The following RNF220 variants were observed in gnomAD, a reference collection of about 807,000 sequenced individuals.
RNF220 encodes the protein E3 ubiquitin-protein ligase RNF220.
RNF220 carries 7 observed loss-of-function variants against 67.1 expected under a neutral mutation model. The ratio of observed to expected loss-of-function variants is 0.10; its 90% CI spans 0.06 to 0.20. The LOEUF (loss-of-function observed/expected upper bound fraction) is 0.20, where lower values mean the gene tolerates loss of function less well. RNF220 is among the 10% of genes least tolerant of loss of function. The pLI, the probability that RNF220 is intolerant of heterozygous loss-of-function variation, is 1.00. For synonymous variants in RNF220, 270 were observed against 283.2 expected, an observed-to-expected ratio of 0.95 and a Z score of 0.47; for missense variants, 565 against 740.3, an observed-to-expected ratio of 0.76 and a Z score of 2.75.
In RNF220 at chr1:44,556,609, G is replaced by A. The variant is rs557837918; in HGVS notation, c.626-57556G>A. 6.1e-4 allele frequency among the ~76,000 whole-genome samples: 92 copies of A among 151,258 alleles called. 1 individual carries two copies. The South Asian group carries it at 0.018, about 30-fold the overall frequency. On this transcript the variant is annotated intron_variant, in intron 2 of 14. Coordinates refer to ENST00000361799, the MANE Select transcript of RNF220 (RefSeq NM_018150.4). The stretch of plus-strand genomic sequence containing the variant: ...GAGTCTGGCTCTGTCACCCAGGCTG[G>A]AGTGCAGTGGCATGATCTTGGCTCA...
Position 44,626,406 on chromosome 1 carries a change from G to C in RNF220, c.906+8G>C. 6.2e-7 allele frequency: 1 copy of C among 1,610,230 alleles called. No homozygotes were observed. The highest frequency in any genetic ancestry group is 1.3e-5 in the African/African-American group (1 of 74,946). ...CATTCAGACAGATACCAGGTGAGGA[G>C]GGGTGGTGAGTGGCCATGAGAAGCA... On this transcript the variant is annotated splice_region_variant and intron_variant, in intron 5 of 14. Transcript: ENST00000361799.
rs1553208927 is a variant in RNF220, at chr1:44,405,388, T to TGCTGCTGCTGCC, written c.-252_-251insTGCCGCTGCTGC. On this transcript the variant is annotated 5_prime_UTR_variant, in exon 1 of 15. Transcript: ENST00000361799. ...GGGGCCAGCCGCCTACTGCTGCTGC[T>TGCTGCTGCTGCC]GCTGCTGCCGCTGCCGCCGCCGCCG... is the stretch of plus-strand genomic sequence containing the variant. 1.1e-5 allele frequency: 7 copies of TGCTGCTGCTGCC among 629,168 alleles called. No homozygotes were observed. Among genetic ancestry groups the TGCTGCTGCTGCC allele is most frequent in the South Asian group, 3.4e-5 (2 of 59,508 alleles). 39.0% of individuals were successfully genotyped at this position (629,168 alleles called of 1,614,324 possible). A position where few individuals can be genotyped will look rare whatever the true frequency, so the allele number is the denominator to read the frequency against.
intron 2 of RNF220, among the ~76,000 whole-genome samples, chr1:44,534,450 A>G (rs556473319): frequency 2.0e-5 from 3 of 152,226 alleles, no homozygotes; most frequent in Admixed American, 6.5e-5. Context: ...CATTAGGTAT[A>G]TCTCCTAATG....
intron 2 of RNF220, 150 bp from the exon 3 acceptor site, chr1:44,614,015 T>C (rs1573048102): frequency 1.1e-6 from 1 of 875,808 alleles, no homozygotes; most frequent in African/African-American, 1.7e-5. Flanking sequence ...GGAGGAGGGG[T>C]GCTCGTGGGC....
chr1:44,614,314 G>T lies in RNF220; in HGVS notation c.758+17G>T. 1 of 1,612,500 alleles carries T rather than the reference G, an allele frequency of 6.2e-7. No individual in the cohort carries two copies. Among genetic ancestry groups the T allele is most frequent in the South Asian group, 1.1e-5 (1 of 90,770 alleles). ...GCCCTCGAGGTAAGCCACCTCCCAG[G>T]GAGCCTGCCTGCTGGAGGAGTCCAC... On this transcript the variant is annotated intron_variant, in intron 3 of 14. Coordinates refer to ENST00000361799, the MANE Select transcript of RNF220 (RefSeq NM_018150.4).
intron 1 of RNF220, among the ~76,000 whole-genome samples, chr1:44,411,603 G>A (rs746484940): frequency 6.6e-6 from 1 of 152,158 alleles, no homozygotes; most frequent in Non-Finnish European, 1.5e-5. Flanking sequence ...CATGAGTGGT[G>A]GATGCAGGTG....
intron 3 of RNF220, among the ~76,000 whole-genome samples, chr1:44,618,294 A>G (rs968874494): frequency 2.0e-5 from 3 of 152,194 alleles, no homozygotes; most frequent in East Asian, 1.9e-4. Context: ...GCAGGTGCAC[A>G]CACACACCCA....
intron 2 of RNF220, among the ~76,000 whole-genome samples, chr1:44,543,903 T>A (rs1013169274): frequency 4.6e-5 from 7 of 152,202 alleles, no homozygotes; most frequent in Non-Finnish European, 8.8e-5. Flanking sequence ...GTGGGATTAC[T>A]GGGCAGTGGC....
In RNF220 at chr1:44,621,645, C is replaced by T. The variant is rs768770424; in HGVS notation, c.759-1097C>T. Among the ~76,000 whole-genome samples the T allele has an allele frequency of 1.1e-3, 173 of 152,236 alleles. No individual in the cohort carries two copies. The highest frequency in any genetic ancestry group is 2.0e-3 in the Non-Finnish European group (136 of 68,010). ...CTGCCTGTGCTTTTGCTGGCTTGTC[C>T]GGTACGTTTGTGTCTGGCCCTGTGG... On this transcript the variant is annotated intron_variant, in intron 3 of 14. Coordinates refer to ENST00000361799, the MANE Select transcript of RNF220 (RefSeq NM_018150.4). This position sits in a 1 kb window ranked among gnomAD's most constrained non-coding sequence, Gnocchi z 4.8.
At chr1:44,574,083 G>A (rs1267269798) in intron 2 of RNF220, among the ~76,000 whole-genome samples, 1 of 152,244 alleles carries the variant, frequency 6.6e-6, no homozygotes, top group Non-Finnish European at 1.5e-5. Flanking sequence ...TCCAGCCTGA[G>A]CAACAGAGTG....
intron 2 of RNF220, among the ~76,000 whole-genome samples, chr1:44,507,777 A>G (rs1189994551): frequency 2.6e-5 from 4 of 152,180 alleles, no homozygotes; most frequent in Non-Finnish European, 5.9e-5. Context: ...TCCTGACACC[A>G]GAAACTCTCT....
In RNF220 at chr1:44,424,477, C is replaced by T. The variant is rs143793389; in HGVS notation, c.625+11755C>T. ...TTTTCCTTAAGGTTTAGGAATCACT[C>T]ATCTAGGGTGAAAGTCTCGGGGGAA... On this transcript the variant is annotated intron_variant, in intron 2 of 14. Transcript: ENST00000361799. Among the ~76,000 whole-genome samples, 55 of 152,078 alleles carry T rather than the reference C, an allele frequency of 3.6e-4. 1 individual carries two copies. Among genetic ancestry groups the T allele is most frequent in the Middle Eastern group, 3.4e-3 (1 of 294 alleles).
At chr1:44,644,957 T>G (rs1644594388) in intron 9 of RNF220, 38 bp from the exon 10 acceptor site, 2 of 1,610,042 alleles carry the variant, frequency 1.2e-6, no homozygotes, top group Non-Finnish European at 1.7e-6. Flanking sequence ...CATAGCCTGC[T>G]GCAAACTAGG....
chr1:44,414,416 ATC>A (rs748150483), intron 2 of RNF220, among the ~76,000 whole-genome samples: 41 of 152,238 alleles, frequency 2.7e-4, no homozygotes, highest in Non-Finnish European at 4.6e-4. Flanking sequence ...GGAGATTGAG[ATC>A]TCTTTCTTCT....
chr1:44,575,246 T>C (rs1047025247), intron 2 of RNF220, among the ~76,000 whole-genome samples: 1 of 152,242 alleles, frequency 6.6e-6, no homozygotes, highest in African/African-American at 2.4e-5. Context: ...CTTTTTTAGC[T>C]CCCACATATC....
At chr1:44,486,987 TAAC>T (rs1302118885) in intron 2 of RNF220, among the ~76,000 whole-genome samples, 2 of 152,152 alleles carry the variant, frequency 1.3e-5, no homozygotes, top group Non-Finnish European at 2.9e-5. Flanking sequence ...GTAACACAAT[TAAC>T]AGCAGCAAAC....
chr1:44,412,207 A>T lies in RNF220; in HGVS notation c.110A>T (p.Asp37Val). 6.2e-7 allele frequency: 1 copy of T among 1,614,196 alleles called. No homozygotes were observed. Among genetic ancestry groups the T allele is most frequent in the South Asian group, 1.1e-5 (1 of 91,088 alleles). The stretch of plus-strand genomic sequence containing the variant: ...GCATCCACGGCTGAGGCCAGCCGTG[A>T]TGCTTCCATCCCTTGTCAGCAGCCA... ...VLASTAEASR[D>V]ASIPCQQPRP... is the part of the protein sequence containing the mutation. The change falls in exon 2 of 15, where the codon GAT becomes GTT. Residue 37 changes from aspartate (D) to valine (V), a missense_variant. By Grantham distance (152) the Asp-to-Val change is radical. Transcript: ENST00000361799. This position sits in a 1 kb window ranked among gnomAD's most constrained non-coding sequence, Gnocchi z 5.3.
intron 2 of RNF220, among the ~76,000 whole-genome samples, chr1:44,553,840 C>G (rs534369874): frequency 4.3e-4 from 66 of 152,256 alleles, no homozygotes; most frequent in African/African-American, 1.6e-3. Flanking sequence ...GAGCTAGCAA[C>G]GACAGGGGAG....
At chr1:44,554,130 A>AG (rs1485068737) in intron 2 of RNF220, among the ~76,000 whole-genome samples, 1 of 152,172 alleles carries the variant, frequency 6.6e-6, no homozygotes, top group Non-Finnish European at 1.5e-5. Context: ...AGAATGGAGA[A>AG]GGGTGATGTG....
Sources: gnomAD v4.1 joint callset for allele counts (sites outside exome capture counted in the v4.1 genomes callset) on GRCh38, gnomAD v4.1.1 for gene constraint, Gnocchi (gnomAD v3.1) non-coding constraint, MANE v1.5 for transcripts, NCBI Gene and HGNC (gene_info 2026-07-23, HGNC 2026-07-21) for gene names.